Variants in NCOR2 observed in about 807,000 individuals in gnomAD.
NCOR2 encodes nuclear receptor corepressor 2, also known as CTG repeat protein 26.
A neutral mutation model predicts 262.9 loss-of-function variants in NCOR2; 81 were observed. The ratio of observed to expected loss-of-function variants is 0.31; its 90% CI spans 0.26 to 0.37. NCOR2 has a LOEUF of 0.37. NCOR2 is among the 10% of genes least tolerant of loss of function. The pLI, the probability that NCOR2 is intolerant of heterozygous loss-of-function variation, is 1.00. For missense variants in NCOR2, 3,385 were observed against 3,621.4 expected (o/e 0.93, Z 1.68); for synonymous variants, 1,659 against 1,559.3 (o/e 1.06, Z -1.51).
At chr12:124,561,130 C>T (rs1032110652) in intron 1 of NCOR2, among the ~76,000 whole-genome samples, 6 of 152,330 alleles carry the variant, frequency 3.9e-5, no homozygotes, top group Middle Eastern at 3.4e-3. Context: ...GGTTTTTCCA[C>T]ATGAGCTCAG....
chr12:124,558,731 G>A (rs904372823), intron 1 of NCOR2, among the ~76,000 whole-genome samples: 7 of 152,150 alleles, frequency 4.6e-5, no homozygotes, highest in Admixed American at 1.3e-4. Flanking sequence ...GGTCAGTGCC[G>A]TGGGCCCACG....
At chr12:124,415,259 G>A (rs1056488510) in intron 13 of NCOR2, among the ~76,000 whole-genome samples, 3 of 152,208 alleles carry the variant, frequency 2.0e-5, no homozygotes, top group South Asian at 2.1e-4. Flanking sequence ...TCCAAGCAGC[G>A]GTGCTGGGCC....
chr12:124,360,406 G>A (rs1472432537), intron 22 of NCOR2, among the ~76,000 whole-genome samples: 5 of 152,206 alleles, frequency 3.3e-5, no homozygotes, highest in South Asian at 2.1e-4. Flanking sequence ...GGCCACCTGT[G>A]CGGTTCAGGC....
At chr12:124,388,765 GTGGGCCGGCAGGC>G (rs1375445596) in intron 16 of NCOR2, 3 of 1,303,964 alleles carry the variant, frequency 2.3e-6, no homozygotes, top group Non-Finnish European at 3.0e-6. Context: ...GCGGGCCGAA[GTGGGCCGGCAGGC>G]TGGGCGGCCG....
chr12:124,343,111 G>A, exon 33 of NCOR2: 1 of 1,612,450 alleles, frequency 6.2e-7, no homozygotes, highest in Non-Finnish European at 8.5e-7. Context: ...GGTGCTCATA[G>A]GGCGAGATGG....
intron 3 of NCOR2, among the ~76,000 whole-genome samples, chr12:124,474,025 C>G (rs1593714429): frequency 6.6e-6 from 1 of 152,226 alleles, no homozygotes; most frequent in Non-Finnish European, 1.5e-5. Context: ...AGCCTCTCCT[C>G]AAGTTGTGAA....
intron 1 of NCOR2, among the ~76,000 whole-genome samples, chr12:124,527,336 T>G (rs545827508): frequency 2.6e-4 from 39 of 152,352 alleles, no homozygotes; most frequent in Non-Finnish European, 4.7e-4. Context: ...GGAACCTCTC[T>G]GTGCCTCAGT....
rs919053056 is a variant in NCOR2 at position 124,348,244 on chromosome 12, G to A, written c.3915C>T (p.Ala1305=). 2.4e-5 allele frequency: 38 copies of A among 1,613,100 alleles called. No homozygotes were observed. In the East Asian group the frequency reaches 2.7e-4, roughly 11 times the overall value. ...TCATGTCATAGGTGCGCTTGGGGGC[G>A]GCCGTCTCATGGGGGGGTCCTGAGC... The change falls in exon 29 of 47, where the codon GCC becomes GCT. Residue 1305 remains alanine (A), a synonymous_variant. Transcript: ENST00000405201.
intron 5 of NCOR2, among the ~76,000 whole-genome samples, chr12:124,463,310 A>C (rs1309024920): frequency 4.0e-5 from 6 of 151,796 alleles, no homozygotes; most frequent in African/African-American, 1.5e-4. Flanking sequence ...CCTCACCCTA[A>C]CGCCCTCCTT....
intron 19 of NCOR2, among the ~76,000 whole-genome samples, chr12:124,373,248 G>C (rs1387750022): frequency 6.2e-5 from 9 of 145,290 alleles, no homozygotes; most frequent in African/African-American, 2.3e-4. Context: ...CAGTGCGTGT[G>C]CAGGGGACCC....
intron 15 of NCOR2, among the ~76,000 whole-genome samples, chr12:124,399,433 T>G (rs1171789605): frequency 6.6e-6 from 1 of 151,928 alleles, no homozygotes; most frequent in Non-Finnish European, 1.5e-5. Context: ...AGAAAGCCCT[T>G]TCACCCTGGG....
chr12:124,402,636 G>C (rs1698429330), intron 13 of NCOR2, 75 bp from the exon 16 acceptor site: 1 of 1,536,636 alleles, frequency 6.5e-7, no homozygotes, highest in Admixed American at 2.0e-5. Context: ...TCTGCACCTG[G>C]GCTCAGCCTG....
rs1345831580 is a variant in NCOR2 at position 124,356,579 on chromosome 12, A to C, written c.3241+63T>G. 1.1e-5 allele frequency: 15 copies of C among 1,330,898 alleles called. No homozygotes were observed. In the South Asian group the frequency reaches 3.1e-4, roughly 28 times the overall value. The allele number at this position is 1,330,898 out of a possible 1,614,324, so 82.4% of individuals were successfully genotyped here. A position where few individuals can be genotyped will look rare whatever the true frequency, so the allele number is the denominator to read the frequency against. ...TCTGTGTGCAGCTCTGAGCCAGTGC[A>C]AACAGTGCAAACAGCGATTGTGCAC... On this transcript the variant is annotated intron_variant, in intron 23 of 46. Transcript: ENST00000405201.
chr12:124,385,485 G>C (rs1421658014), intron 17 of NCOR2, among the ~76,000 whole-genome samples: 2 of 152,222 alleles, frequency 1.3e-5, no homozygotes, highest in Non-Finnish European at 2.9e-5. Context: ...GTCTGTCTGA[G>C]AGGAGTGGGG....
chr12:124,340,189 C>CTGCTGCCGA (rs746329633), exon 37 of NCOR2: 1 of 1,608,376 alleles, frequency 6.2e-7, no homozygotes, highest in Non-Finnish European at 8.5e-7. Context: ...GCTGCTGCCG[C>CTGCTGCCGA]TGCTCTGCTC....
intron 5 of NCOR2, among the ~76,000 whole-genome samples, chr12:124,464,723 G>C (rs1320161323): frequency 6.6e-6 from 1 of 152,166 alleles, no homozygotes; most frequent in African/African-American, 2.4e-5. Flanking sequence ...CACACCAACT[G>C]TACTAGGTGA....
At chr12:124,402,368 C>T (rs1231166354) in intron 14 of NCOR2, 36 bp downstream of exon 16, 3 of 1,610,140 alleles carry the variant, frequency 1.9e-6, no homozygotes, top group Non-Finnish European at 1.7e-6. Flanking sequence ...GTTGGGTCAG[C>T]GGCCGGGCCC....
rs375624093 is a variant in NCOR2 at position 124,549,196 on chromosome 12, G to A, written c.-164-13585C>T. 3.9e-5 allele frequency among the ~76,000 whole-genome samples: 6 copies of A among 152,190 alleles called. No homozygotes were observed. Among genetic ancestry groups the A allele is most frequent in the Admixed American group, 2.6e-4 (4 of 15,304 alleles). On this transcript the variant is annotated intron_variant, in intron 1 of 32. Transcript: ENST00000458234. This position sits in a 1 kb window ranked among gnomAD's most constrained non-coding sequence, Gnocchi z 4.4. ...GCAATGATGATGGTTGCTGGGTCAC[G>A]AGATCACCGAGAGGATCAGATGAAT... is the stretch of plus-strand genomic sequence containing the variant.
At chr12:124,553,948 A>T (rs2051799263) in intron 1 of NCOR2, among the ~76,000 whole-genome samples, 2 of 152,116 alleles carry the variant, frequency 1.3e-5, no homozygotes, top group South Asian at 4.1e-4. Flanking sequence ...GGAGCTGGGG[A>T]ACCAGAGGCC....
Sources: gnomAD v4.1 joint callset for allele counts (sites outside exome capture counted in the v4.1 genomes callset) on GRCh38, gnomAD v4.1.1 for gene constraint, Gnocchi (gnomAD v3.1) non-coding constraint, MANE v1.5 for transcripts, NCBI Gene and HGNC (gene_info 2026-07-23, HGNC 2026-07-21) for gene names.